Variants in SEMA3D observed in about 807,000 individuals in gnomAD.
The protein encoded by SEMA3D is semaphorin 3D, also known as semaphorin-3D.
SEMA3D carries 84 observed loss-of-function variants against 100.1 expected under a neutral mutation model. The ratio of observed to expected loss-of-function variants is 0.84; its 90% CI spans 0.70 to 1.01. The LOEUF is 1.01. SEMA3D is among the 50% of genes least tolerant of loss of function. The probability of loss-of-function intolerance (pLI) is 0.00; values close to 1 mark genes in which losing one functional copy is unlikely to be tolerated. For missense variants in SEMA3D, 875 were observed against 934.1 expected (o/e 0.94, Z 0.82); for synonymous variants, 312 against 320.7 (o/e 0.97, Z 0.29).
chr7:85,240,672 G>T, the SEMA3D span, among the ~76,000 whole-genome samples: 1 of 152,148 alleles, frequency 6.6e-6, no homozygotes, highest in Admixed American at 6.6e-5. Flanking sequence ...TGTTTTAAAA[G>T]ATATAGACCA....
chr7:85,192,225 G>A, the SEMA3D span, among the ~76,000 whole-genome samples: 1 of 151,982 alleles, frequency 6.6e-6, no homozygotes, highest in African/African-American at 2.4e-5. Context: ...TGGGTTTAGT[G>A]GGGAACAGTT....
intron 17 of SEMA3D, among the ~76,000 whole-genome samples, chr7:85,011,626 A>G (rs1179756385): frequency 1.3e-5 from 2 of 151,762 alleles, no homozygotes; most frequent in African/African-American, 4.8e-5. Flanking sequence ...CTCAATACCT[A>G]TAATCATCCC....
chr7:85,103,459 TTGGGTA>T (rs1431994229), intron 3 of SEMA3D, among the ~76,000 whole-genome samples: 78 of 152,160 alleles, frequency 5.1e-4, no homozygotes, highest in African/African-American at 1.8e-3. Context: ...ATTTTTCCCC[TTGGGTA>T]AAAGGGTGAG....
At chr7:85,011,580 T>A (rs962450410) in intron 17 of SEMA3D, among the ~76,000 whole-genome samples, 1 of 151,862 alleles carries the variant, frequency 6.6e-6, no homozygotes, top group African/African-American at 2.4e-5. Flanking sequence ...ATGCACAGAT[T>A]CTTTTGTTGT....
chr7:85,082,900 G>C (rs1788105724), intron 4 of SEMA3D, among the ~76,000 whole-genome samples: 1 of 152,118 alleles, frequency 6.6e-6, no homozygotes, highest in Non-Finnish European at 1.5e-5. Flanking sequence ...CAAGTGATCA[G>C]CTAACCTTGA....
chr7:85,238,775 C>T, the SEMA3D span, among the ~76,000 whole-genome samples: 3 of 152,148 alleles, frequency 2.0e-5, no homozygotes, highest in African/African-American at 4.8e-5. Flanking sequence ...CTGTAGATCA[C>T]GTTGGGAAGA....
intron 17 of SEMA3D, among the ~76,000 whole-genome samples, chr7:85,010,348 G>T (rs1789917258): frequency 6.6e-6 from 1 of 151,800 alleles, no homozygotes; most frequent in Non-Finnish European, 1.5e-5. Context: ...TTGAGTAAGG[G>T]AGTGACATGC....
At chr7:85,113,973 T>G (rs1289923114) in intron 3 of SEMA3D, among the ~76,000 whole-genome samples, 1 of 152,184 alleles carries the variant, frequency 6.6e-6, no homozygotes, top group Non-Finnish European at 1.5e-5. Flanking sequence ...CCAATATTAT[T>G]TTTTATTTTG....
At chr7:85,064,557 A>G (rs933652818) in intron 8 of SEMA3D, among the ~76,000 whole-genome samples, 3 of 152,150 alleles carry the variant, frequency 2.0e-5, no homozygotes, top group African/African-American at 7.2e-5. Context: ...ACTGAGAGAT[A>G]GAGAGATAGA....
At chr7:85,211,468 T>C in the SEMA3D span, among the ~76,000 whole-genome samples, 1 of 152,064 alleles carries the variant, frequency 6.6e-6, no homozygotes, top group Non-Finnish European at 1.5e-5. Flanking sequence ...ATAAGAGCAG[T>C]TCAACAGAAC....
chr7:85,090,922 T>C (rs1788368631), intron 4 of SEMA3D, among the ~76,000 whole-genome samples: 1 of 151,906 alleles, frequency 6.6e-6, no homozygotes. Flanking sequence ...ATTTTCACAA[T>C]ATAAATGCTC....
intron 1 of SEMA3D, among the ~76,000 whole-genome samples, chr7:85,171,956 T>G: frequency 6.6e-6 from 1 of 150,914 alleles, no homozygotes; most frequent in South Asian, 2.1e-4. Context: ...TGTGTGTGTG[T>G]GTGGGTGTGT....
intron 3 of SEMA3D, among the ~76,000 whole-genome samples, chr7:85,107,252 T>C (rs1440134721): frequency 6.6e-6 from 1 of 151,998 alleles, no homozygotes; most frequent in Non-Finnish European, 1.5e-5. Flanking sequence ...CAAATAAATG[T>C]CAATCATCTG....
chr7:85,031,630 A>G (rs946051492), intron 12 of SEMA3D, among the ~76,000 whole-genome samples: 1 of 151,922 alleles, frequency 6.6e-6, no homozygotes, highest in African/African-American at 2.4e-5. Context: ...TTCCAGTCAT[A>G]ACAATTCATA....
chr7:85,142,435 A>C (rs1045042370), intron 2 of SEMA3D: 2 of 940,374 alleles, frequency 2.1e-6, no homozygotes, highest in Non-Finnish European at 2.5e-6. Flanking sequence ...AAGATGTCAT[A>C]ATTTATTTAT....
chr7:85,208,995 G>A, the SEMA3D span, among the ~76,000 whole-genome samples: 15 of 152,098 alleles, frequency 9.9e-5, no homozygotes, highest in African/African-American at 3.1e-4. Flanking sequence ...TTTATGCCTC[G>A]TTAGCCTTAT....
intron 12 of SEMA3D, among the ~76,000 whole-genome samples, chr7:85,030,132 G>A (rs987272503): frequency 2.6e-5 from 4 of 151,542 alleles, no homozygotes; most frequent in African/African-American, 9.7e-5. Flanking sequence ...CTTAAATATG[G>A]CTTTGTTTCA....
the SEMA3D span, among the ~76,000 whole-genome samples, chr7:85,231,671 C>G: frequency 2.0e-5 from 3 of 151,980 alleles, no homozygotes; most frequent in African/African-American, 7.2e-5. Context: ...AGGATGGTCT[C>G]GATCTCCTGA....
chr7:85,089,324 C>T (rs1788310286), intron 4 of SEMA3D, among the ~76,000 whole-genome samples: 1 of 152,046 alleles, frequency 6.6e-6, no homozygotes, highest in Non-Finnish European at 1.5e-5. Flanking sequence ...CTAGATGATC[C>T]CTTCTTATAA....
Sources: gnomAD v4.1 joint callset for allele counts (sites outside exome capture counted in the v4.1 genomes callset) on GRCh38, gnomAD v4.1.1 for gene constraint, MANE v1.5 for transcripts, NCBI Gene and HGNC (gene_info 2026-07-23, HGNC 2026-07-21) for gene names.